Variants in RAB7A observed in about 807,000 individuals in gnomAD.
The protein encoded by RAB7A is ras-related protein Rab-7a.
In RAB7A, 2 loss-of-function variants were observed where a neutral mutation model predicts 24.5. The observed-to-expected ratio is 0.08, with a 90% CI of 0.03 to 0.26. The LOEUF (loss-of-function observed/expected upper bound fraction) is 0.26, where lower values mean the gene tolerates loss of function less well. RAB7A is among the 10% of genes least tolerant of loss of function. The pLI is 1.00. For synonymous variants in RAB7A, 100 were observed against 95.9 expected, an observed-to-expected ratio of 1.04 and a Z score of -0.25; for missense variants, 118 against 255.7, an observed-to-expected ratio of 0.46 and a Z score of 3.67.
chr3:128,747,588 TAATGA>T (rs765315312), intron 1 of RAB7A, among the ~76,000 whole-genome samples: 30 of 150,882 alleles, frequency 2.0e-4, no homozygotes, highest in Non-Finnish European at 4.1e-4. Flanking sequence ...CTCCATGAAA[TAATGA>T]AATGAAATGA....
At chr3:128,803,862 A>G (rs1017643961) in intron 3 of RAB7A, among the ~76,000 whole-genome samples, 7 of 152,208 alleles carry the variant, frequency 4.6e-5, no homozygotes, top group South Asian at 2.1e-4. Context: ...ACGGATAAAA[A>G]TAACAGTGTT....
intron 1 of RAB7A, chr3:128,785,457 AAAATT>A (rs1214533930): frequency 6.6e-6 from 1 of 152,060 alleles, no homozygotes; most frequent in African/African-American, 2.4e-5. Flanking sequence ...TTGAAAATAA[AAAATT>A]AAAAGAATTT....
intron 1 of RAB7A, among the ~76,000 whole-genome samples, chr3:128,789,085 G>A (rs1310092631): frequency 6.6e-6 from 1 of 152,180 alleles, no homozygotes; most frequent in East Asian, 1.9e-4. Flanking sequence ...GGTTTGGTTT[G>A]GTGGCAGAAG....
chr3:128,806,682 C>G, intron 4 of RAB7A, 92 bp downstream of exon 4: 2 of 1,262,366 alleles, frequency 1.6e-6, no homozygotes, highest in East Asian at 2.4e-5. Flanking sequence ...TCACATGGCT[C>G]TAGGAGGTGC....
At chr3:128,801,954 G>A (rs1293581025) in intron 3 of RAB7A, among the ~76,000 whole-genome samples, 1 of 152,212 alleles carries the variant, frequency 6.6e-6, no homozygotes, top group Non-Finnish European at 1.5e-5. Context: ...GGCAGTAGCA[G>A]CAGAGCCCAG....
At chr3:128,772,817 C>T (rs1932984238) in intron 1 of RAB7A, among the ~76,000 whole-genome samples, 1 of 152,252 alleles carries the variant, frequency 6.6e-6, no homozygotes, top group East Asian at 1.9e-4. Context: ...GTCTCCAGCT[C>T]CTAACCGCGA....
chr3:128,768,742 T>TGGTAGAG (rs1244760460), intron 1 of RAB7A, among the ~76,000 whole-genome samples: 1 of 147,414 alleles, frequency 6.8e-6, no homozygotes, highest in Admixed American at 6.8e-5. Flanking sequence ...TTTTTTTTTT[T>TGGTAGAG]GGTAGAGACA....
At chr3:128,762,923 C>A (rs554865137) in intron 1 of RAB7A, among the ~76,000 whole-genome samples, 1 of 152,258 alleles carries the variant, frequency 6.6e-6, no homozygotes, top group African/African-American at 2.4e-5. Context: ...TTTATCTGTT[C>A]TTTCAGTTGA....
At chr3:128,789,107 G>C (rs1559793129) in intron 1 of RAB7A, among the ~76,000 whole-genome samples, 1 of 152,184 alleles carries the variant, frequency 6.6e-6, no homozygotes, top group African/African-American at 2.4e-5. Context: ...AAAGAAATGT[G>C]TTATGAATAT....
At chr3:128,785,885 CTT>C (rs1933327349) in intron 1 of RAB7A, among the ~76,000 whole-genome samples, 1 of 151,986 alleles carries the variant, frequency 6.6e-6, no homozygotes, top group Admixed American at 6.6e-5. Flanking sequence ...AGGCTTCTGT[CTT>C]TTCCTACTGA....
chr3:128,774,596 C>T (rs1015125522), intron 1 of RAB7A, among the ~76,000 whole-genome samples: 10 of 151,942 alleles, frequency 6.6e-5, no homozygotes, highest in Non-Finnish European at 1.0e-4. Context: ...ATTTTTGAGA[C>T]GGAGTCTCGC....
intron 5 of RAB7A, among the ~76,000 whole-genome samples, chr3:128,808,691 C>CG (rs566215657): frequency 2.6e-3 from 392 of 152,242 alleles, no homozygotes; most frequent in African/African-American, 9.1e-3. Context: ...AGGCAGGTCA[C>CG]GAGGCCTCAT....
At chr3:128,791,767 C>G (rs1933459002) in intron 1 of RAB7A, among the ~76,000 whole-genome samples, 1 of 152,158 alleles carries the variant, frequency 6.6e-6, no homozygotes, top group East Asian at 1.9e-4. Context: ...ATACTTGCAC[C>G]CCCAGGATTG....
At chr3:128,777,452 G>A (rs78379714) in intron 1 of RAB7A, among the ~76,000 whole-genome samples, 7,665 of 152,130 alleles carry the variant, frequency 0.05, 212 homozygotes, top group African/African-American at 0.067. Flanking sequence ...TCCTCGCAAT[G>A]TATTGGGATT....
intron 1 of RAB7A, among the ~76,000 whole-genome samples, chr3:128,761,811 G>A (rs1369899633): frequency 6.6e-6 from 1 of 152,196 alleles, no homozygotes; most frequent in African/African-American, 2.4e-5. Flanking sequence ...AAATAGGGAT[G>A]TGAATAAGAC....
chr3:128,775,101 C>T (rs541773258), intron 1 of RAB7A, among the ~76,000 whole-genome samples: 1 of 152,318 alleles, frequency 6.6e-6, no homozygotes, highest in Non-Finnish European at 1.5e-5. Flanking sequence ...TCTTAATGTC[C>T]TTTTCTTAAA....
intron 1 of RAB7A, among the ~76,000 whole-genome samples, chr3:128,790,713 G>T (rs1184114514): frequency 1.3e-5 from 2 of 151,958 alleles, no homozygotes; most frequent in South Asian, 2.1e-4. Flanking sequence ...TTCATTGATC[G>T]GTTTAGTCCT....
intron 3 of RAB7A, among the ~76,000 whole-genome samples, chr3:128,805,996 G>A (rs939048633): frequency 1.3e-5 from 2 of 152,122 alleles, no homozygotes; most frequent in African/African-American, 2.4e-5. Flanking sequence ...TGTATCATTC[G>A]TGAGTCATCA....
chr3:128,779,230 A>G (rs1264404398), intron 1 of RAB7A, among the ~76,000 whole-genome samples: 1 of 152,154 alleles, frequency 6.6e-6, no homozygotes, highest in Non-Finnish European at 1.5e-5. Context: ...CCTGGCCAAC[A>G]TGGTGAAACC....
Sources: gnomAD v4.1 joint callset for allele counts (sites outside exome capture counted in the v4.1 genomes callset) on GRCh38, gnomAD v4.1.1 for gene constraint, MANE v1.5 for transcripts, NCBI Gene and HGNC (gene_info 2026-07-23, HGNC 2026-07-21) for gene names.